TYW1B: variants seen among roughly 807,000 people sequenced by gnomAD.
TYW1B encodes the protein tRNA-yW synthesizing protein 1 homolog B, also known as S-adenosyl-L-methionine-dependent tRNA 4-demethylwyosine synthase TYW1B.
Under a neutral mutation model 86.9 loss-of-function variants are expected in TYW1B, and 73 were observed. The ratio of observed to expected loss-of-function variants is 0.84; its 90% CI spans 0.70 to 1.02. The LOEUF (loss-of-function observed/expected upper bound fraction) is 1.02, where lower values mean the gene tolerates loss of function less well. TYW1B is among the 50% of genes least tolerant of loss of function. The probability of loss-of-function intolerance (pLI) is 0.00; values close to 1 mark genes in which losing one functional copy is unlikely to be tolerated. For missense variants in TYW1B, 637 were observed against 827.4 expected (o/e 0.77, Z 2.82); for synonymous variants, 248 against 292.8 (o/e 0.85, Z 1.56).
chr7:72,822,589 GT>G (rs1210900142), intron 2 of TYW1B, among the ~76,000 whole-genome samples: 2 of 152,224 alleles, frequency 1.3e-5, no homozygotes, highest in Non-Finnish European at 2.9e-5. Flanking sequence ...TGAGGCAAAA[GT>G]TTTTAATAGT....
At chr7:72,668,656 C>T (rs1563052907) in intron 11 of TYW1B, among the ~76,000 whole-genome samples, 1 of 152,182 alleles carries the variant, frequency 6.6e-6, no homozygotes, top group Non-Finnish European at 1.5e-5. Flanking sequence ...CTTCCACAAA[C>T]AGGAAGGCTC....
intron 10 of TYW1B, among the ~76,000 whole-genome samples, chr7:72,708,841 C>G (rs547879499): frequency 2.7e-4 from 41 of 152,298 alleles, no homozygotes; most frequent in Admixed American, 2.4e-3. Flanking sequence ...TGAAGACTAT[C>G]TTGTTGCACT....
chr7:72,751,576 A>G (rs1554465080), intron 7 of TYW1B, among the ~76,000 whole-genome samples: 1 of 152,146 alleles, frequency 6.6e-6, no homozygotes, highest in African/African-American at 2.4e-5. Flanking sequence ...TGGCTGAAGC[A>G]TTTTTATGAC....
At chr7:72,765,488 T>C (rs373246346) in intron 7 of TYW1B, among the ~76,000 whole-genome samples, 1 of 152,032 alleles carries the variant, frequency 6.6e-6, no homozygotes, top group Non-Finnish European at 1.5e-5. Flanking sequence ...TTTTTTGAGA[T>C]GGAGTCTCAC....
chr7:72,760,399 GT>G (rs1787667113), intron 7 of TYW1B, among the ~76,000 whole-genome samples: 1 of 152,182 alleles, frequency 6.6e-6, no homozygotes. Flanking sequence ...ACAGGTTCCA[GT>G]TTTGCCAGAA....
At chr7:72,821,460 C>T (rs552117694) in intron 2 of TYW1B, among the ~76,000 whole-genome samples, 3 of 152,146 alleles carry the variant, frequency 2.0e-5, no homozygotes, top group Admixed American at 1.3e-4. Context: ...CAAAACAATT[C>T]TGTAATCCTC....
chr7:72,672,184 G>A (rs1208278986), intron 11 of TYW1B, among the ~76,000 whole-genome samples: 12 of 151,888 alleles, frequency 7.9e-5, no homozygotes, highest in African/African-American at 2.2e-4. Flanking sequence ...GTAATAAGAC[G>A]TGACTTGCTC....
chr7:72,618,227 A>ATTTTTTTTTTTTTTTTTTTTTTTT (rs869158136), intron 12 of TYW1B, among the ~76,000 whole-genome samples: 3 of 103,940 alleles, frequency 2.9e-5, no homozygotes, highest in Non-Finnish European at 3.6e-5. Context: ...ATGACACTGA[A>ATTTTTTTTTTTTTTTTTTTTTTTT]TTTTTTTTTT....
intron 6 of TYW1B, among the ~76,000 whole-genome samples, chr7:72,799,866 T>C (rs1193582538): frequency 6.6e-6 from 1 of 152,194 alleles, no homozygotes; most frequent in Admixed American, 6.6e-5. Flanking sequence ...CTTTTGATTT[T>C]CCTTATGGCC....
chr7:72,803,413 A>T (rs1180680944), intron 5 of TYW1B, among the ~76,000 whole-genome samples: 1 of 152,120 alleles, frequency 6.6e-6, no homozygotes, highest in Non-Finnish European at 1.5e-5. Flanking sequence ...ACATTTGCTG[A>T]GTATCTACTA....
At chr7:72,758,083 G>A (rs1165152334) in intron 7 of TYW1B, among the ~76,000 whole-genome samples, 4 of 152,120 alleles carry the variant, frequency 2.6e-5, no homozygotes, top group Non-Finnish European at 5.9e-5. Flanking sequence ...AGCCAGTCGT[G>A]GTGGCGTGCG....
intron 7 of TYW1B, among the ~76,000 whole-genome samples, chr7:72,774,177 G>C (rs1554470127): frequency 6.6e-6 from 1 of 151,960 alleles, no homozygotes; most frequent in Non-Finnish European, 1.5e-5. Flanking sequence ...CTTACAGCAG[G>C]CTGAGAATTG....
At chr7:72,793,168 G>A (rs1396893185) in intron 6 of TYW1B, among the ~76,000 whole-genome samples, 6 of 151,698 alleles carry the variant, frequency 4.0e-5, no homozygotes, top group East Asian at 1.9e-4. Flanking sequence ...GCAAAACCCC[G>A]TCTATACTAA....
intron 4 of TYW1B, among the ~76,000 whole-genome samples, chr7:72,808,276 C>A (rs1472511182): frequency 1.3e-5 from 2 of 151,914 alleles, no homozygotes; most frequent in African/African-American, 2.4e-5. Context: ...CAAAGTAAAA[C>A]CCCATCTCTA....
At chr7:72,643,907 A>G (rs1436877107) in intron 11 of TYW1B, among the ~76,000 whole-genome samples, 71 of 152,156 alleles carry the variant, frequency 4.7e-4, no homozygotes, top group African/African-American at 1.6e-3. Flanking sequence ...TGAGGTCACC[A>G]TAATACTGAT....
intron 13 of TYW1B, among the ~76,000 whole-genome samples, chr7:72,595,233 G>GA (rs1474556253): frequency 6.6e-6 from 1 of 152,072 alleles, no homozygotes; most frequent in Non-Finnish European, 1.5e-5. Flanking sequence ...GTTATATGTA[G>GA]AAAATTATAA....
At chr7:72,626,474 G>C (rs1305549814) in intron 12 of TYW1B, among the ~76,000 whole-genome samples, 4 of 152,014 alleles carry the variant, frequency 2.6e-5, no homozygotes, top group African/African-American at 9.7e-5. Context: ...TAAAACCTAT[G>C]ATCTATTTAA....
In TYW1B at chr7:72,804,865, G is replaced by T. The variant is rs574355549; in HGVS notation, c.723+2201C>A. Among the ~76,000 whole-genome samples the T allele has an allele frequency of 4.6e-5, 7 of 152,288 alleles. No homozygotes were observed. The East Asian group carries it at 1.4e-3, about 29-fold the overall frequency. ...ACAGGCAATAAGCTGGATCTGGCCA[G>T]TGAGCCTGTTTGCTGATCCCTGTCC... On this transcript the variant is annotated intron_variant, in intron 5 of 13. Transcript: ENST00000620995.
chr7:72,718,824 GA>G (rs1382861640), intron 9 of TYW1B, among the ~76,000 whole-genome samples: 1 of 152,110 alleles, frequency 6.6e-6, no homozygotes, highest in Non-Finnish European at 1.5e-5. Context: ...GGTTGAACCT[GA>G]ACTCCAAAAC....
Sources: gnomAD v4.1 joint callset for allele counts (sites outside exome capture counted in the v4.1 genomes callset) on GRCh38, gnomAD v4.1.1 for gene constraint, MANE v1.5 for transcripts, NCBI Gene and HGNC (gene_info 2026-07-23, HGNC 2026-07-21) for gene names.